Variants in HRH2 observed in about 807,000 individuals in gnomAD.
HRH2 encodes the protein histamine receptor H2.
HRH2 carries 4 observed loss-of-function variants against 20.1 expected under a neutral mutation model. The ratio of observed to expected loss-of-function variants is 0.20; its 90% CI spans 0.10 to 0.45. HRH2 has a LOEUF of 0.45. Among genes scored for constraint, HRH2 ranks in the 20% least tolerant of loss-of-function variants. The pLI, the probability that HRH2 is intolerant of heterozygous loss-of-function variation, is 0.99. For missense variants in HRH2, 250 were observed against 461.6 expected, an observed-to-expected ratio of 0.54 and a Z score of 4.20; for synonymous variants, 197 against 200.7, an observed-to-expected ratio of 0.98 and a Z score of 0.16.
rs1411566995 is a variant in HRH2, at chr5:175,683,492, G to A, written c.259G>A (p.Gly87Ser). 6.2e-7 allele frequency: 1 copy of A among 1,614,158 alleles called. No homozygotes were observed. Among genetic ancestry groups the A allele is most frequent in the Non-Finnish European group, 8.5e-7 (1 of 1,180,036 alleles). ...IYQLSCKWSFGKVFCNIYTSL... is the reference protein window; with the variant it reads ...IYQLSCKWSFSKVFCNIYTSL... ...CCAGCTGTCCTGCAAGTGGAGCTTTGGCAAGGTCTTCTGCAATATCTACAC... is the reference window on the plus strand; with the variant it reads ...CCAGCTGTCCTGCAAGTGGAGCTTTAGCAAGGTCTTCTGCAATATCTACAC... The change falls in exon 2 of 3, where the codon GGC (glycine) becomes AGC (serine). Residue 87 changes from glycine (G) to serine (S), a missense_variant. Physicochemically the swap from Gly to Ser is moderately conservative, Grantham distance 56. Transcript: ENST00000636584.
chr5:175,658,214 T>G (rs901612529), intron 1 of HRH2, 59 bp downstream of exon 1: 4 of 151,806 alleles, frequency 2.6e-5, no homozygotes, highest in African/African-American at 9.6e-5. Flanking sequence ...CCAGGCGGGC[T>G]TGGGGACCCG....
intron 2 of HRH2, among the ~76,000 whole-genome samples, chr5:175,701,801 T>A (rs1409191647): frequency 6.6e-6 from 1 of 152,178 alleles, no homozygotes; most frequent in Non-Finnish European, 1.5e-5. Context: ...AGGATGGAAA[T>A]GTGAAAACGA....
intron 2 of HRH2, among the ~76,000 whole-genome samples, chr5:175,703,443 T>G (rs1273640325): frequency 6.6e-6 from 1 of 152,190 alleles, no homozygotes; most frequent in East Asian, 1.9e-4. Flanking sequence ...AGGAAATATA[T>G]AGCCATAATG....
At chr5:175,679,874 G>A (rs1755902097) in intron 1 of HRH2, among the ~76,000 whole-genome samples, 1 of 152,176 alleles carries the variant, frequency 6.6e-6, no homozygotes, top group Admixed American at 6.5e-5. Flanking sequence ...TCAAAGAACG[G>A]GTATTAAGTA....
At chr5:175,682,063 T>G (rs1332014755) in intron 1 of HRH2, among the ~76,000 whole-genome samples, 2 of 152,258 alleles carry the variant, frequency 1.3e-5, no homozygotes, top group African/African-American at 4.8e-5. Context: ...CATTTCAGTG[T>G]TCATTACTGA....
Position 175,707,910 on chromosome 5 carries a change from A to T in HRH2, c.1208A>T (p.Glu403Val), listed in dbSNP as rs189597602. ...SEELSGEPLS[E>V]EPQKRPPQKA... The stretch of plus-strand genomic sequence containing the variant: ...GAGCTATCGGGGGAGCCACTGTCTG[A>T]GGAGCCACAGAAGAGACCTCCCCAG... Residue 403 changes from glutamate (E) to valine (V), a missense_variant, in exon 3 of 3, where the codon GAG becomes GTG. Glu to Val is a moderately radical substitution (Grantham distance 121). Coordinates refer to ENST00000636584, the MANE Select transcript of HRH2 (RefSeq NM_001367711.1). 133 of 399,132 alleles carry T rather than the reference A, an allele frequency of 3.3e-4. No homozygotes were observed. In the East Asian group the frequency reaches 4.3e-3, roughly 13 times the overall value. 24.7% of individuals were successfully genotyped at this position (399,132 alleles called of 1,614,324 possible). A position where few individuals can be genotyped will look rare whatever the true frequency, so the allele number is the denominator to read the frequency against.
chr5:175,691,928 C>T (rs981895211), intron 2 of HRH2, among the ~76,000 whole-genome samples: 5 of 151,708 alleles, frequency 3.3e-5, no homozygotes, highest in African/African-American at 1.2e-4. Flanking sequence ...GAGGAAAAGG[C>T]CCTTCCTCCA....
At chr5:175,666,847 G>C (rs1762911495) in intron 1 of HRH2, among the ~76,000 whole-genome samples, 1 of 151,994 alleles carries the variant, frequency 6.6e-6, no homozygotes, top group Non-Finnish European at 1.5e-5. Context: ...CCCTTTTTGA[G>C]TAGATAAGAC....
Position 175,683,432 on chromosome 5 carries a change from C to A in HRH2, c.199C>A (p.Leu67Ile). ...GTCCTTGGCTATCACTGACCTGCTC[C>A]TCGGCCTCCTGGTGCTGCCCTTCTC... ...IVSLAITDLL[L>I]GLLVLPFSAI... Residue 67 changes from leucine to isoleucine, a missense_variant, in exon 2 of 3, where the codon CTC becomes ATC. Around this residue, in one of 5 missense-constraint regions of HRH2, gnomAD observed 86 missense variants for 176.4 expected, o/e 0.49. Transcript: ENST00000636584. The A allele has an allele frequency of 6.2e-7, 1 of 1,614,248 alleles. No homozygotes were observed.
At chr5:175,698,424 C>T (rs1453683018) in intron 2 of HRH2, among the ~76,000 whole-genome samples, 3 of 152,186 alleles carry the variant, frequency 2.0e-5, no homozygotes, top group Non-Finnish European at 2.9e-5. Flanking sequence ...CTCTTACCTG[C>T]GTGGAGCCTC....
Position 175,679,292 on chromosome 5 carries a change from T to TA in HRH2, c.-525-3410dup, listed in dbSNP as rs527555652. 9.6e-3 allele frequency among the ~76,000 whole-genome samples: 1,451 copies of TA among 151,770 alleles called. 18 individuals are homozygous for TA. The highest frequency in any genetic ancestry group is 0.015 in the Non-Finnish European group (1,003 of 67,888). On this transcript the variant is annotated intron_variant, in intron 1 of 2. Coordinates refer to ENST00000636584, the MANE Select transcript of HRH2 (RefSeq NM_001367711.1). ...AACTCAAAACTCTGCCCAATGGGATTAAAAAAACACCCCCTTTCTGTCCAC... is the reference window on the plus strand; with the variant it reads ...AACTCAAAACTCTGCCCAATGGGATTAAAAAAAACACCCCCTTTCTGTCCAC...
chr5:175,691,576 T>C (rs1332505937), intron 2 of HRH2, among the ~76,000 whole-genome samples: 1 of 152,096 alleles, frequency 6.6e-6, no homozygotes, highest in African/African-American at 2.4e-5. Flanking sequence ...GCTAGTACAT[T>C]TGTACCCTTA....
chr5:175,684,363 C>T (rs1756094432), intron 2 of HRH2, 54 bp downstream of exon 2: 1 of 1,578,646 alleles, frequency 6.3e-7, no homozygotes, highest in African/African-American at 1.4e-5. Flanking sequence ...GGGGATGCTA[C>T]TGATGGGAAT....
Position 175,683,212 on chromosome 5 carries a change from G to T in HRH2, c.-22G>T, listed in dbSNP as rs751073830. On this transcript the variant is annotated 5_prime_UTR_variant, in exon 2 of 3. Coordinates refer to ENST00000636584, the MANE Select transcript of HRH2 (RefSeq NM_001367711.1). ...AAGCAACCAGGGGCCCTGATCAGGG[G>T]ACTGAGCCGTAGAGTCCCAGGATGG... 3 of 1,602,930 alleles carry T rather than the reference G, an allele frequency of 1.9e-6. No individual in the cohort carries two copies. The highest frequency in any genetic ancestry group is 1.1e-5 in the South Asian group (1 of 89,908).
chr5:175,707,668 C>T (rs1418641259), intron 2 of HRH2, 111 bp from the exon 3 acceptor site: 2 of 147,900 alleles, frequency 1.4e-5, no homozygotes, highest in East Asian at 4.2e-4. Context: ...CACCCCATCC[C>T]ACCCTCCCCA....
chr5:175,668,442 TC>T (rs899820294), intron 1 of HRH2, among the ~76,000 whole-genome samples: 42 of 152,234 alleles, frequency 2.8e-4, no homozygotes, highest in Middle Eastern at 3.4e-3. Context: ...GGAAGTTGGC[TC>T]TAGAAGGGTC....
chr5:175,697,119 A>C (rs1259279072), intron 2 of HRH2, among the ~76,000 whole-genome samples: 1 of 152,168 alleles, frequency 6.6e-6, no homozygotes, highest in Non-Finnish European at 1.5e-5. Context: ...CACACACTAC[A>C]TGCTCAAAGA....
intron 2 of HRH2, among the ~76,000 whole-genome samples, chr5:175,696,811 G>T (rs142013549): frequency 7.9e-4 from 119 of 151,388 alleles, no homozygotes; most frequent in Middle Eastern, 3.4e-3. Flanking sequence ...CTATAAGACG[G>T]GGAGAATCTC....
In HRH2 at chr5:175,683,112, ACTG is replaced by A; in HGVS notation, c.-121_-119del. 1 of 1,207,486 alleles carries A rather than the reference ACTG, an allele frequency of 8.3e-7. No homozygotes were observed. Among genetic ancestry groups the A allele is most frequent in the Non-Finnish European group, 1.1e-6 (1 of 876,346 alleles). 74.8% of individuals were successfully genotyped at this position (1,207,486 alleles called of 1,614,324 possible). A position where few individuals can be genotyped will look rare whatever the true frequency, so the allele number is the denominator to read the frequency against. ...TGGCCAAAAAAAAAAAAAAAAAAAA[ACTG>A]GACACATTTTGGATCTGTTGGGAGC... On this transcript the variant is annotated 5_prime_UTR_variant, in exon 2 of 3. Transcript: ENST00000636584.
Sources: allele counts gnomAD v4.1 joint callset (sites outside exome capture counted in the v4.1 genomes callset), GRCh38; gene constraint gnomAD v4.1.1; regional missense constraint gnomAD v4.1.1; transcripts MANE v1.5; gene names NCBI Gene and HGNC (gene_info 2026-07-23, HGNC 2026-07-21).